The following FBXW9 variants were observed in gnomAD, a reference collection of about 807,000 sequenced individuals.
FBXW9 encodes the protein F-box/WD repeat-containing protein 9.
Under a neutral mutation model 55.8 loss-of-function variants are expected in FBXW9, and 38 were observed. That is an observed-to-expected ratio of 0.68 (90% CI 0.53 to 0.89). The LOEUF is 0.89. FBXW9 is among the 40% of genes least tolerant of loss of function. FBXW9 has a pLI of 0.00. For missense variants in FBXW9, 590 were observed against 619.4 expected (o/e 0.95, Z 0.50); for synonymous variants, 289 against 278.2 (o/e 1.04, Z -0.38).
At position 12,694,734 on chromosome 19, in the gene FBXW9, G is replaced by C. The variant is rs745628150; in HGVS notation, c.550-12C>G. On this transcript the variant is annotated splice_polypyrimidine_tract_variant and intron_variant, in intron 2 of 9. Transcript: ENST00000393261. Reference sequence around the variant, plus strand: ...CAGAGTGACCCACCCTGGAAAGGGAGCAAGGTGATGTTGTCAGGGCCACCC... The same window carrying C: ...CAGAGTGACCCACCCTGGAAAGGGACCAAGGTGATGTTGTCAGGGCCACCC... The C allele has an allele frequency of 3.7e-6, 6 of 1,614,112 alleles. No individual in the cohort carries two copies. Among genetic ancestry groups the C allele is most frequent in the Non-Finnish European group, 4.2e-6 (5 of 1,180,038 alleles).
At chr19:12,695,425 G>C (rs1265705753) in intron 1 of FBXW9, among the ~76,000 whole-genome samples, 1 of 152,212 alleles carries the variant, frequency 6.6e-6, no homozygotes, top group East Asian at 1.9e-4. Context: ...CGGGGTCCAA[G>C]CATCTATGTT....
Position 12,689,874 on chromosome 19 carries a change from G to C in FBXW9, c.1033C>G (p.Leu345Val). The change falls in exon 7 of 10, where the codon CTG becomes GTG. Residue 345 changes from leucine (L) to valine (V), a missense_variant and splice_region_variant. By Grantham distance (32) the Leu-to-Val change is conservative. Coordinates refer to ENST00000393261, the MANE Select transcript of FBXW9 (RefSeq NM_032301.3). This position sits in a 1 kb window ranked among gnomAD's most constrained non-coding sequence, Gnocchi z 5.9. The part of the protein sequence containing the change: ...RANSVLQRLQ[L>V]DSYLLCMSYQ... ...GACATGCAGAGCAGGTAGGAGTCCA[G>C]CTACGAGAGGGACAAGGGACGGGAC... The C allele has an allele frequency of 6.2e-7, 1 of 1,613,868 alleles. No individual in the cohort carries two copies. Among genetic ancestry groups the C allele is most frequent in the East Asian group, 2.2e-5 (1 of 44,870 alleles).
intron 3 of FBXW9, among the ~76,000 whole-genome samples, chr19:12,694,079 G>A (rs1018786222): frequency 1.3e-5 from 2 of 150,858 alleles, no homozygotes; most frequent in African/African-American, 4.9e-5. Flanking sequence ...GGAGGCTGAG[G>A]CAGGAGAATT....
Position 12,689,129 on chromosome 19 carries a change from G to T in FBXW9, c.*87C>A. The T allele has an allele frequency of 1.8e-6, 2 of 1,083,156 alleles. No homozygotes were observed. The highest frequency in any genetic ancestry group is 2.9e-6 in the Non-Finnish European group (2 of 700,358). 67.1% of individuals were successfully genotyped at this position (1,083,156 alleles called of 1,614,324 possible). ...TGTGCCCTAGGCCCACGGGGCGGAG[G>T]CAGCACCAACATTGGGGATGGTCCC... On this transcript the variant is annotated 3_prime_UTR_variant, in exon 10 of 10. Coordinates refer to ENST00000393261, the MANE Select transcript of FBXW9 (RefSeq NM_032301.3). The surrounding 1 kb of genome is among the most constrained non-coding windows in gnomAD (Gnocchi z 5.9).
rs563209808 is a variant in FBXW9 at position 12,689,085 on chromosome 19, G to A, written c.*131C>T. ...AGGGCCCAGGCCAGGACGCTCACCCGAATGTGGCTGGGACTCCTTGTGCCC... is the reference window on the plus strand; with the variant it reads ...AGGGCCCAGGCCAGGACGCTCACCCAAATGTGGCTGGGACTCCTTGTGCCC... On this transcript the variant is annotated 3_prime_UTR_variant, in exon 10 of 10. Transcript: ENST00000393261. The surrounding 1 kb of genome is among the most constrained non-coding windows in gnomAD (Gnocchi z 5.9). 1.5e-4 allele frequency: 126 copies of A among 813,098 alleles called. No individual in the cohort carries two copies. In the African/African-American group the frequency reaches 1.7e-3, roughly 11 times the overall value. The allele number at this position is 813,098 out of a possible 1,614,324, so 50.4% of individuals were successfully genotyped here.
At chr19:12,694,337 CAAA>C (rs1314324715) in intron 3 of FBXW9, among the ~76,000 whole-genome samples, 1 of 60,600 alleles carries the variant, frequency 1.7e-5, no homozygotes, top group Non-Finnish European at 4.0e-5. Flanking sequence ...GACTCCGTCT[CAAA>C]AAAAAAAAAA....
chr19:12,692,346 GC>G (rs2025020441), intron 3 of FBXW9, among the ~76,000 whole-genome samples: 3 of 150,518 alleles, frequency 2.0e-5, no homozygotes, highest in African/African-American at 7.4e-5. Context: ...TCCTGCCTCA[GC>G]CTCCCTAGTA....
chr19:12,689,488 G>C lies in FBXW9; in HGVS notation c.1237-51C>G. 3 of 1,613,882 alleles carry C rather than the reference G, an allele frequency of 1.9e-6. No homozygotes were observed. Among genetic ancestry groups the C allele is most frequent in the East Asian group, 2.2e-5 (1 of 44,874 alleles). On this transcript the variant is annotated intron_variant, in intron 8 of 9. Transcript: ENST00000393261. This position sits in a 1 kb window ranked among gnomAD's most constrained non-coding sequence, Gnocchi z 5.9. ...AAGAGGTGTGCCCCTGGCTGATGGA[G>C]GTAGGGGAGAGGCAGGGACTGTCCT...
At position 12,688,916 on chromosome 19, in the gene FBXW9, C is replaced by A. The variant is rs565239304; in HGVS notation, c.*300G>T. ...AGGCAAACCACACTCACACTCCAGG[C>A]CCAAGCACCAACATGTCAGGTTTAT... On this transcript the variant is annotated 3_prime_UTR_variant, in exon 10 of 10. Coordinates refer to ENST00000393261, the MANE Select transcript of FBXW9 (RefSeq NM_032301.3). 12 of 556,768 alleles carry A rather than the reference C, an allele frequency of 2.2e-5. No homozygotes were observed. The African/African-American group carries it at 2.2e-4, about 10-fold the overall frequency. The allele number at this position is 556,768 out of a possible 1,614,324, so 34.5% of individuals were successfully genotyped here. A position where few individuals can be genotyped will look rare whatever the true frequency, so the allele number is the denominator to read the frequency against.
chr19:12,690,591 GGGCAACGT>G (rs1470306810), intron 5 of FBXW9, among the ~76,000 whole-genome samples: 1 of 152,048 alleles, frequency 6.6e-6, no homozygotes, highest in Non-Finnish European at 1.5e-5. Context: ...AGATCACCTT[GGGCAACGT>G]GGCAAGACCC....
In FBXW9 at chr19:12,696,499, G is replaced by A. The variant is rs370265857; in HGVS notation, c.83C>T (p.Ala28Val). 105 of 1,612,696 alleles carry A rather than the reference G, an allele frequency of 6.5e-5. No individual in the cohort carries two copies. The highest frequency in any genetic ancestry group is 8.6e-5 in the Non-Finnish European group (101 of 1,179,988). Residue 28 changes from alanine (A) to valine (V), a missense_variant, in exon 1 of 10, where the codon GCG becomes GTG. Ala to Val is a moderately conservative substitution (Grantham distance 64). Transcript: ENST00000393261. ...GCGGGCCACGTAGGCCTTGGCCTGC[G>A]CGTCTGGGTCTGTCTCTGACTCTGG... ...SDPESETDPD[A>V]QAKAYVARVL... is the part of the protein sequence containing the mutation.
intron 5 of FBXW9, among the ~76,000 whole-genome samples, chr19:12,690,952 G>A (rs367642811): frequency 6.6e-6 from 1 of 152,330 alleles, no homozygotes; most frequent in South Asian, 2.1e-4. Context: ...CAGCTAGGCA[G>A]TGGGACAGCC....
intron 3 of FBXW9, among the ~76,000 whole-genome samples, chr19:12,691,781 G>A (rs2025012760): frequency 6.6e-6 from 1 of 152,052 alleles, no homozygotes; most frequent in Admixed American, 6.6e-5. Context: ...TGGAGACGGA[G>A]TTTCACTTTT....
Position 12,689,073 on chromosome 19 carries a change from G to T in FBXW9, c.*143C>A, listed in dbSNP as rs769223504. On this transcript the variant is annotated 3_prime_UTR_variant, in exon 10 of 10. Coordinates refer to ENST00000393261, the MANE Select transcript of FBXW9 (RefSeq NM_032301.3). This position sits in a 1 kb window ranked among gnomAD's most constrained non-coding sequence, Gnocchi z 5.9. ...TCCCCCGGGCATAGGGCCCAGGCCA[G>T]GACGCTCACCCGAATGTGGCTGGGA... 1.3e-6 allele frequency: 1 copy of T among 770,510 alleles called. No individual in the cohort carries two copies. Among genetic ancestry groups the T allele is most frequent in the South Asian group, 1.4e-5 (1 of 69,518 alleles). 47.7% of individuals were successfully genotyped at this position (770,510 alleles called of 1,614,324 possible). A position where few individuals can be genotyped will look rare whatever the true frequency, so the allele number is the denominator to read the frequency against.
Position 12,689,306 on chromosome 19 carries a change from A to C in FBXW9, c.1303-16T>G, listed in dbSNP as rs2024968438. 1 of 1,614,172 alleles carries C rather than the reference A, an allele frequency of 6.2e-7. No homozygotes were observed. The highest frequency in any genetic ancestry group is 8.5e-7 in the Non-Finnish European group (1 of 1,179,998). ...CAGCACAGACCTGGGAAGGGGGAGG[A>C]ACATGAGGAGTCAGGGACGATGGCG... On this transcript the variant is annotated splice_polypyrimidine_tract_variant and intron_variant, in intron 9 of 9. Coordinates refer to ENST00000393261, the MANE Select transcript of FBXW9 (RefSeq NM_032301.3). This position sits in a 1 kb window ranked among gnomAD's most constrained non-coding sequence, Gnocchi z 5.9.
chr19:12,694,900 C>G lies in FBXW9; in HGVS notation c.448G>C (p.Glu150Gln). The G allele has an allele frequency of 1.2e-6, 2 of 1,614,042 alleles. No homozygotes were observed. The highest frequency in any genetic ancestry group is 1.7e-4 in the Middle Eastern group (1 of 6,060). ...FDWPAACIALEQHLSRWAEDG... is the reference protein window; with the variant it reads ...FDWPAACIALQQHLSRWAEDG... The stretch of plus-strand genomic sequence containing the variant: ...TCTGCCCAGCGGGACAGGTGCTGCT[C>G]CAGCGCAATGCAGGCTGCCGGCCAG... Residue 150 changes from glutamate (E) to glutamine (Q), a missense_variant, in exon 2 of 10, where the codon GAG becomes CAG. Coordinates refer to ENST00000393261, the MANE Select transcript of FBXW9 (RefSeq NM_032301.3).
Position 12,691,437 on chromosome 19 carries a change from C to T in FBXW9, c.696G>A (p.Leu232=), listed in dbSNP as rs762091720. Residue 232 remains leucine (L), a synonymous_variant, in exon 4 of 10, where the codon CTG becomes CTA. Coordinates refer to ENST00000393261, the MANE Select transcript of FBXW9 (RefSeq NM_032301.3). ...NSTHEGWVWS[L]AAQDHRVCSG... ...AGCACACGCGGTGGTCCTGCGCTGC[C>T]AGTGACCACACCCAGCCCTGCAGGA... 3.2e-6 allele frequency: 5 copies of T among 1,583,620 alleles called. No individual in the cohort carries two copies. Among genetic ancestry groups the T allele is most frequent in the Middle Eastern group, 1.7e-4 (1 of 6,036 alleles).
chr19:12,691,312 C>T (rs371691900), intron 4 of FBXW9, 30 bp downstream of exon 4: 10 of 1,612,458 alleles, frequency 6.2e-6, no homozygotes, highest in African/African-American at 5.3e-5. Context: ...GTCCTATCCC[C>T]GCAGGCCCCC....
chr19:12,692,705 T>G (rs2025023701), intron 3 of FBXW9, among the ~76,000 whole-genome samples: 1 of 151,278 alleles, frequency 6.6e-6, no homozygotes, highest in Non-Finnish European at 1.5e-5. Flanking sequence ...TGGTATTTTT[T>G]GTAGAGTCAG....
Sources: gnomAD v4.1 joint callset for allele counts (sites outside exome capture counted in the v4.1 genomes callset) on GRCh38, gnomAD v4.1.1 for gene constraint, Gnocchi (gnomAD v3.1) non-coding constraint, MANE v1.5 for transcripts, NCBI Gene and HGNC (gene_info 2026-07-23, HGNC 2026-07-21) for gene names.